Variants in CACNA1D observed in about 807,000 individuals in gnomAD.
The protein encoded by CACNA1D is calcium voltage-gated channel subunit alpha1 D.
CACNA1D carries 55 observed loss-of-function variants against 257.1 expected under a neutral mutation model. The observed-to-expected ratio is 0.21, with a 90% CI of 0.17 to 0.27. The LOEUF (loss-of-function observed/expected upper bound fraction) is 0.27. CACNA1D is among the 10% of genes least tolerant of loss of function. CACNA1D has a pLI of 1.00. For missense variants in CACNA1D, 1,876 were observed against 2,784.0 expected (o/e 0.67, Z 7.34); for synonymous variants, 980 against 1,014.9 (o/e 0.97, Z 0.65).
At chr3:53,748,955 C>T (rs1263384163) in intron 26 of CACNA1D, 2 of 461,378 alleles carry the variant, frequency 4.3e-6, no homozygotes, top group Non-Finnish European at 8.1e-6. Flanking sequence ...TCACTTCCTC[C>T]AGTGTCTTAC....
chr3:53,654,937 C>T (rs957833346), intron 4 of CACNA1D, among the ~76,000 whole-genome samples: 6 of 152,072 alleles, frequency 3.9e-5, no homozygotes, highest in African/African-American at 7.2e-5. Flanking sequence ...AGAAAACAAA[C>T]GGCAAGTTGC....
chr3:53,708,750 G>A (rs1559549227), intron 9 of CACNA1D, among the ~76,000 whole-genome samples: 2 of 152,256 alleles, frequency 1.3e-5, no homozygotes, highest in South Asian at 2.1e-4. Flanking sequence ...TAATTTCAAA[G>A]TATATAAAGT....
intron 7 of CACNA1D, among the ~76,000 whole-genome samples, chr3:53,671,570 C>A (rs563547673): frequency 6.6e-6 from 1 of 152,318 alleles, no homozygotes; most frequent in East Asian, 1.9e-4. Flanking sequence ...ATTAGATCAA[C>A]AATTGCAGCC....
At chr3:53,588,845 A>T (rs1408707405) in intron 3 of CACNA1D, among the ~76,000 whole-genome samples, 1 of 152,178 alleles carries the variant, frequency 6.6e-6, no homozygotes, top group East Asian at 1.9e-4. Context: ...ACAGATTCCG[A>T]TCTCCTTTGT....
chr3:53,808,435 A>C, intron 45 of CACNA1D: 1 of 581,704 alleles, frequency 1.7e-6, no homozygotes, highest in Non-Finnish European at 3.1e-6. Context: ...AAAAGTAGTA[A>C]GTTTGTACTT....
intron 8 of CACNA1D, among the ~76,000 whole-genome samples, chr3:53,684,103 T>A (rs544042107): frequency 6.6e-6 from 1 of 152,260 alleles, no homozygotes; most frequent in East Asian, 1.9e-4. Context: ...GCAGATATAG[T>A]GCAAGTTGTA....
chr3:53,518,858 G>C (rs906583010), intron 3 of CACNA1D, among the ~76,000 whole-genome samples: 1 of 152,188 alleles, frequency 6.6e-6, no homozygotes, highest in African/African-American at 2.4e-5. Flanking sequence ...AGCTTCCCAA[G>C]CTTACTACTT....
chr3:53,561,730 TG>T (rs1354265514), intron 3 of CACNA1D, among the ~76,000 whole-genome samples: 1 of 152,226 alleles, frequency 6.6e-6, no homozygotes, highest in Non-Finnish European at 1.5e-5. Context: ...GAACCCTTAT[TG>T]GTATAAGTCG....
chr3:53,779,694 G>T (rs571045682), intron 37 of CACNA1D, among the ~76,000 whole-genome samples: 1 of 152,234 alleles, frequency 6.6e-6, no homozygotes, highest in East Asian at 1.9e-4. Flanking sequence ...TTTGTTCTCT[G>T]TGGGCCCTCA....
intron 35 of CACNA1D, among the ~76,000 whole-genome samples, chr3:53,776,362 T>C (rs575457631): frequency 6.6e-5 from 10 of 152,326 alleles, no homozygotes; most frequent in Admixed American, 2.6e-4. Flanking sequence ...TTGGTGATAA[T>C]GAAATTATAA....
chr3:53,770,528 G>A lies in CACNA1D; in HGVS notation c.4020G>A (p.Leu1340=). The A allele has an allele frequency of 1.2e-6, 2 of 1,613,912 alleles. No homozygotes were observed. The highest frequency in any genetic ancestry group is 1.3e-5 in the African/African-American group (1 of 75,048). Residue 1340 remains leucine (L), a synonymous_variant, in exon 32 of 48, where the codon CTG becomes CTA. Coordinates refer to ENST00000350061, the MANE Select transcript of CACNA1D (RefSeq NM_001128840.3). ...LSRGEGIRTL[L]WTFIKSFQAL... is the part of the protein sequence containing the mutation. ...GGGGGGAAGGCATCCGGACATTGCT[G>A]TGGACTTTTATTAAGTCCTTTCAGG... is the stretch of plus-strand genomic sequence containing the variant.
At position 53,805,156 on chromosome 3, in the gene CACNA1D, G is replaced by C; in HGVS notation, c.5749+10G>C. The C allele has an allele frequency of 6.2e-7, 1 of 1,612,834 alleles. No individual in the cohort carries two copies. On this transcript the variant is annotated intron_variant, in intron 45 of 47. Coordinates refer to ENST00000350061, the MANE Select transcript of CACNA1D (RefSeq NM_001128840.3). ...CCTCCCACCCCAGCATGTGAGGCCA[G>C]ATTTTTTGTTTTGGGTGGAACCTCC...
intron 3 of CACNA1D, among the ~76,000 whole-genome samples, chr3:53,612,165 T>C (rs934751227): frequency 6.6e-6 from 1 of 152,242 alleles, no homozygotes; most frequent in Non-Finnish European, 1.5e-5. Context: ...GCTAATTCTA[T>C]TACCTCCTCA....
At chr3:53,781,534 C>T (rs748125413) in intron 38 of CACNA1D, 32 bp from the exon 39 acceptor site, 42 of 1,430,712 alleles carry the variant, frequency 2.9e-5, no homozygotes, top group South Asian at 4.6e-5. Flanking sequence ...AGAAATGAGG[C>T]TTGCTTTTCC....
chr3:53,495,298 C>T lies in CACNA1D; in HGVS notation c.67+65C>T. 2 of 1,596,188 alleles carry T rather than the reference C, an allele frequency of 1.3e-6. No individual in the cohort carries two copies. The highest frequency in any genetic ancestry group is 2.2e-5 in the South Asian group (2 of 90,642). ...TCCTGTCATGGTCCTCCAGCCCCCT[C>T]CCCCTTCCCCGCGGCGCTGGATGGG... On this transcript the variant is annotated intron_variant, in intron 1 of 47. Transcript: ENST00000350061. The surrounding 1 kb of genome is among the most constrained non-coding windows in gnomAD (Gnocchi z 5.1).
chr3:53,801,201 G>A lies in CACNA1D; in HGVS notation c.5184G>A (p.Leu1728=). The stretch of plus-strand genomic sequence containing the variant: ...CTGCAAGTGATACTGAGAAACCGCT[G>A]TTTCCTCCAGCAGGAAATTCGGTGT... The part of the protein sequence containing the change: ...IPPASDTEKP[L]FPPAGNSVCH... Residue 1728 remains leucine, a synonymous_variant, in exon 42 of 48, where the codon CTG becomes CTA. Coordinates refer to ENST00000350061, the MANE Select transcript of CACNA1D (RefSeq NM_001128840.3). 6.2e-7 allele frequency: 1 copy of A among 1,613,994 alleles called. No individual in the cohort carries two copies. The highest frequency in any genetic ancestry group is 8.5e-7 in the Non-Finnish European group (1 of 1,179,958).
At chr3:53,654,513 A>C (rs2094129824) in intron 4 of CACNA1D, among the ~76,000 whole-genome samples, 6 of 152,182 alleles carry the variant, frequency 3.9e-5, no homozygotes, top group Admixed American at 3.9e-4. Flanking sequence ...GATACCTTTA[A>C]GATGTATATT....
At position 53,812,174 on chromosome 3, in the gene CACNA1D, A is replaced by ATATAC. The variant is rs750626160; in HGVS notation, c.*773_*777dup. Reference sequence around the variant, plus strand: ...ATAGATTTACTGTACATGACTTGTAATATACTATAATTTGTATTTGTAAAG... The same window carrying ATATAC: ...ATAGATTTACTGTACATGACTTGTAATATACTATACTATAATTTGTATTTGTAAAG... On this transcript the variant is annotated 3_prime_UTR_variant, in exon 48 of 48. Coordinates refer to ENST00000350061, the MANE Select transcript of CACNA1D (RefSeq NM_001128840.3). 1 of 152,224 alleles carries ATATAC rather than the reference A, an allele frequency of 6.6e-6. No homozygotes were observed. The highest frequency in any genetic ancestry group is 2.4e-5 in the African/African-American group (1 of 41,458). The allele number at this position is 152,224 out of a possible 1,614,324, so 9.4% of individuals were successfully genotyped here. A position where few individuals can be genotyped will look rare whatever the true frequency, so the allele number is the denominator to read the frequency against.
intron 2 of CACNA1D, among the ~76,000 whole-genome samples, chr3:53,498,998 T>C (rs1316757776): frequency 6.6e-6 from 1 of 152,212 alleles, no homozygotes; most frequent in Non-Finnish European, 1.5e-5. Context: ...GCTAGATTCA[T>C]GACAATGGCT....
Sources: gnomAD v4.1 joint callset for allele counts (sites outside exome capture counted in the v4.1 genomes callset) on GRCh38, gnomAD v4.1.1 for gene constraint, Gnocchi (gnomAD v3.1) non-coding constraint, MANE v1.5 for transcripts, NCBI Gene and HGNC (gene_info 2026-07-23, HGNC 2026-07-21) for gene names.